VAV3: variants seen among roughly 807,000 people sequenced by gnomAD.
The protein encoded by VAV3 is guanine nucleotide exchange factor VAV3.
A neutral mutation model predicts 131.2 loss-of-function variants in VAV3; 94 were observed. That is an observed-to-expected ratio of 0.72 (90% CI 0.61 to 0.85). VAV3 has a LOEUF of 0.85. VAV3 is among the 40% of genes least tolerant of loss of function. The probability of loss-of-function intolerance (pLI) is 0.00; values close to 1 mark genes in which losing one functional copy is unlikely to be tolerated. For missense variants in VAV3, 939 were observed against 1,002.7 expected (o/e 0.94, Z 0.86); for synonymous variants, 349 against 342.0 (o/e 1.02, Z -0.22).
chr1:107,704,443 A>C, intron 17 of VAV3, 107 bp downstream of exon 17: 1 of 756,542 alleles, frequency 1.3e-6, no homozygotes, highest in Non-Finnish European at 2.1e-6. Flanking sequence ...TTTCAAAAGC[A>C]GATATGTTAC....
intron 2 of VAV3, among the ~76,000 whole-genome samples, chr1:107,789,464 G>T (rs567722553): frequency 3.9e-5 from 6 of 152,252 alleles, no homozygotes; most frequent in African/African-American, 1.4e-4. Context: ...ATCTGTAAAC[G>T]TTTCAAACCA....
intron 1 of VAV3, among the ~76,000 whole-genome samples, chr1:107,927,644 A>G (rs747850380): frequency 6.6e-6 from 1 of 152,082 alleles, no homozygotes; most frequent in Admixed American, 6.5e-5. Flanking sequence ...GTAGTCCCGT[A>G]GTACTCCCTG....
At chr1:107,863,184 A>G (rs1299978106) in intron 2 of VAV3, among the ~76,000 whole-genome samples, 1 of 152,154 alleles carries the variant, frequency 6.6e-6, no homozygotes, top group African/African-American at 2.4e-5. Context: ...TCCCCTCGCC[A>G]GGTTTCCAAG....
chr1:107,954,347 A>G (rs1674695171), intron 1 of VAV3, among the ~76,000 whole-genome samples: 1 of 152,184 alleles, frequency 6.6e-6, no homozygotes, highest in Non-Finnish European at 1.5e-5. Flanking sequence ...GTCACAAGGC[A>G]CAGTATTAAA....
chr1:107,921,074 C>A (rs552696047), intron 1 of VAV3, among the ~76,000 whole-genome samples: 1 of 152,270 alleles, frequency 6.6e-6, no homozygotes, highest in East Asian at 1.9e-4. Flanking sequence ...AAGATTATTC[C>A]AAAACAAAAT....
intron 1 of VAV3, among the ~76,000 whole-genome samples, chr1:107,920,126 C>T (rs944614436): frequency 1.3e-5 from 2 of 152,166 alleles, no homozygotes; most frequent in Non-Finnish European, 2.9e-5. Context: ...CTTTCCAGAA[C>T]ATAGTGTGTG....
At position 107,775,068 on chromosome 1, in the gene VAV3, G is replaced by A. The variant is rs150600162; in HGVS notation, c.446+2163C>T. On this transcript the variant is annotated intron_variant, in intron 4 of 26. Coordinates refer to ENST00000370056, the MANE Select transcript of VAV3 (RefSeq NM_006113.5). ...ATCCTGCAAATACATTCGGACCTTC[G>A]GCCACCAGGTAGAAATTTAAAGCAG... Among the ~76,000 whole-genome samples the A allele has an allele frequency of 7.5e-3, 1,141 of 152,080 alleles. 8 individuals are homozygous for A. The highest frequency in any genetic ancestry group is 0.011 in the Admixed American group (165 of 15,276).
chr1:107,578,771 GTCTC>G (rs560716661), intron 25 of VAV3: 401 of 984,944 alleles, frequency 4.1e-4, no homozygotes, highest in Non-Finnish European at 4.6e-4. Context: ...CCATCCTTGT[GTCTC>G]TCTCTCTGGG....
intron 1 of VAV3, chr1:107,897,387 G>A (rs1238197786): frequency 6.6e-6 from 1 of 151,592 alleles, no homozygotes; most frequent in East Asian, 2.0e-4. Flanking sequence ...AAAAAGTAGA[G>A]GGAGAAAGAG....
chr1:107,635,559 ATG>A (rs1654862214), intron 20 of VAV3, among the ~76,000 whole-genome samples: 1 of 152,184 alleles, frequency 6.6e-6, no homozygotes, highest in Non-Finnish European at 1.5e-5. Flanking sequence ...AACATGGCAC[ATG>A]TATACATATG....
rs1558056870 is a variant in VAV3, at chr1:107,572,223, GA to G, written c.*1107del. 6.6e-6 allele frequency: 1 copy of G among 152,198 alleles called. No individual in the cohort carries two copies. The highest frequency in any genetic ancestry group is 6.5e-5 in the Admixed American group (1 of 15,284). 9.4% of individuals were successfully genotyped at this position (152,198 alleles called of 1,614,324 possible). A position where few individuals can be genotyped will look rare whatever the true frequency, so the allele number is the denominator to read the frequency against. On this transcript the variant is annotated 3_prime_UTR_variant, in exon 27 of 27. Coordinates refer to ENST00000370056, the MANE Select transcript of VAV3 (RefSeq NM_006113.5). Reference sequence around the variant, plus strand: ...ACTCCCAGGATGGGCTGCAGAGGGGGAGACTCTGAGAGAAGCTGGAGGCCCA... The same window carrying G: ...ACTCCCAGGATGGGCTGCAGAGGGGGGACTCTGAGAGAAGCTGGAGGCCCA...
chr1:107,631,745 G>A (rs1395956012), intron 20 of VAV3, among the ~76,000 whole-genome samples: 1 of 149,516 alleles, frequency 6.7e-6, no homozygotes, highest in Non-Finnish European at 1.5e-5. Context: ...TTTTGTCCTT[G>A]CGATAATTTG....
rs1670761352 is a variant in VAV3, at chr1:107,881,168, GAAGAC to G, written c.205-6156_205-6152del. 3.3e-5 allele frequency among the ~76,000 whole-genome samples: 5 copies of G among 152,212 alleles called. No individual in the cohort carries two copies. The South Asian group carries it at 1.0e-3, about 32-fold the overall frequency. On this transcript the variant is annotated intron_variant, in intron 1 of 26. Transcript: ENST00000370056. The stretch of plus-strand genomic sequence containing the variant: ...TTACTAGAGAGATGATGTGGCATAG[GAAGAC>G]AAGACAAGGACAACCAGGACATTAT...
At position 107,812,235 on chromosome 1, in the gene VAV3, T is replaced by G. The variant is rs185496532; in HGVS notation, c.322-32743A>C. Among the ~76,000 whole-genome samples the G allele has an allele frequency of 3.3e-5, 5 of 152,226 alleles. No individual in the cohort carries two copies. In the East Asian group the frequency reaches 9.7e-4, roughly 29 times the overall value. ...ATGCTGTCAGATACTGCTGGCAGAG[T>G]TGACACTCTTGTGCATAGATAGATT... is the stretch of plus-strand genomic sequence containing the variant. On this transcript the variant is annotated intron_variant, in intron 2 of 26. Coordinates refer to ENST00000370056, the MANE Select transcript of VAV3 (RefSeq NM_006113.5).
At chr1:107,960,388 C>A (rs2101402205) in intron 1 of VAV3, among the ~76,000 whole-genome samples, 2 of 152,066 alleles carry the variant, frequency 1.3e-5, no homozygotes, top group Middle Eastern at 6.8e-3. Flanking sequence ...AACTCTTGAG[C>A]CTGGGAGGCG....
intron 2 of VAV3, among the ~76,000 whole-genome samples, chr1:107,845,182 C>G (rs1480506121): frequency 6.6e-6 from 1 of 152,134 alleles, no homozygotes; most frequent in East Asian, 1.9e-4. Context: ...GAGTAGACCT[C>G]CAGCCAGACC....
chr1:107,925,683 G>A (rs1320361665), intron 1 of VAV3, among the ~76,000 whole-genome samples: 1 of 151,990 alleles, frequency 6.6e-6, no homozygotes, highest in African/African-American at 2.4e-5. Flanking sequence ...GGGGAAGGGG[G>A]AATAGGAAAT....
intron 2 of VAV3, among the ~76,000 whole-genome samples, chr1:107,782,142 TAATAAC>T (rs1343801768): frequency 6.6e-6 from 1 of 152,128 alleles, no homozygotes; most frequent in African/African-American, 2.4e-5. Flanking sequence ...TATCACTACT[TAATAAC>T]AAGAAAAATA....
intron 2 of VAV3, among the ~76,000 whole-genome samples, chr1:107,837,013 CA>C (rs1246072230): frequency 6.6e-6 from 1 of 151,406 alleles, no homozygotes; most frequent in Non-Finnish European, 1.5e-5. Flanking sequence ...AAGCTGTTCC[CA>C]AAAAATCAAA....
Sources: gnomAD v4.1 joint callset for allele counts (sites outside exome capture counted in the v4.1 genomes callset) on GRCh38, gnomAD v4.1.1 for gene constraint, MANE v1.5 for transcripts, NCBI Gene and HGNC (gene_info 2026-07-23, HGNC 2026-07-21) for gene names.